The following RSAD2 variants were observed in gnomAD, a reference collection of about 807,000 sequenced individuals.
RSAD2 encodes radical S-adenosyl methionine domain containing 2.
In RSAD2, 38 loss-of-function variants were observed where a neutral mutation model predicts 37.7. The ratio of observed to expected loss-of-function variants is 1.01; its 90% CI spans 0.78 to 1.32. The LOEUF is 1.32. Ranked by LOEUF, RSAD2 falls within the 40% of genes most tolerant of loss-of-function variation. The pLI is 0.00. For missense variants in RSAD2, 428 were observed against 437.5 expected (o/e 0.98, Z 0.19); for synonymous variants, 163 against 157.4 (o/e 1.04, Z -0.27).
In RSAD2 at chr2:6,884,924, G is replaced by T. The variant is rs540182437; in HGVS notation, c.508+1392G>T. 1.1e-4 allele frequency among the ~76,000 whole-genome samples: 17 copies of T among 152,286 alleles called. No individual in the cohort carries two copies. The South Asian group carries it at 3.5e-3, about 32-fold the overall frequency. Reference sequence around the variant, plus strand: ...TTTTTAGGCATTGTGAGGAACAAATGTTTATAGATGCCTATCTGGCCCATA... The same window carrying T: ...TTTTTAGGCATTGTGAGGAACAAATTTTTATAGATGCCTATCTGGCCCATA... On this transcript the variant is annotated intron_variant, in intron 2 of 5. Transcript: ENST00000382040.
At chr2:6,890,373 G>A in intron 4 of RSAD2, 48 bp downstream of exon 4, 3 of 1,594,886 alleles carry the variant, frequency 1.9e-6, no homozygotes, top group Non-Finnish European at 2.6e-6. Context: ...CATTCAGATT[G>A]ATTCCCAAAA....
chr2:6,890,569 A>C (rs946365741), intron 4 of RSAD2, among the ~76,000 whole-genome samples: 1 of 152,208 alleles, frequency 6.6e-6, no homozygotes, highest in Non-Finnish European at 1.5e-5. Flanking sequence ...GGTACTTTGC[A>C]GATGATACAA....
Position 6,883,370 on chromosome 2 carries a change from G to A in RSAD2, c.347-1G>A, listed in dbSNP as rs1278252560. The stretch of plus-strand genomic sequence containing the variant: ...TAAAATTCATGTATCACCTTGCACA[G>A]GTATGGAGAAGATCAACTTTTCAGG... On this transcript the variant is annotated splice_acceptor_variant, in intron 1 of 5. Transcript: ENST00000382040. LOFTEE classifies it high-confidence loss of function. 1 of 1,614,148 alleles carries A rather than the reference G, an allele frequency of 6.2e-7. No homozygotes were observed. The highest frequency in any genetic ancestry group is 1.3e-5 in the African/African-American group (1 of 75,042).
chr2:6,890,357 A>G lies in RSAD2; in HGVS notation c.888+32A>G, dbSNP rs1474675135. 12 of 1,609,804 alleles carry G rather than the reference A, an allele frequency of 7.5e-6. No homozygotes were observed. In the African/African-American group the frequency reaches 1.2e-4, roughly 16 times the overall value. On this transcript the variant is annotated intron_variant, in intron 4 of 5. Coordinates refer to ENST00000382040, the MANE Select transcript of RSAD2 (RefSeq NM_080657.5). Reference sequence around the variant, plus strand: ...TAAAGCAAAAGTTGTTTTCTTTGTCATCATACATTCAGATTGATTCCCAAA... The same window carrying G: ...TAAAGCAAAAGTTGTTTTCTTTGTCGTCATACATTCAGATTGATTCCCAAA...
chr2:6,893,761 G>A, intron 5 of RSAD2, 58 bp downstream of exon 5: 4 of 1,228,444 alleles, frequency 3.3e-6, no homozygotes, highest in South Asian at 2.4e-5. Flanking sequence ...AGCAGTAATG[G>A]CAGAGTTGAG....
intron 1 of RSAD2, among the ~76,000 whole-genome samples, chr2:6,868,964 C>T (rs757326096): frequency 5.9e-5 from 9 of 152,226 alleles, no homozygotes; most frequent in Non-Finnish European, 1.2e-4. Flanking sequence ...TTTGCACAAA[C>T]GTCAAGATTA....
At chr2:6,866,792 G>A (rs1327410015) in intron 1 of RSAD2, among the ~76,000 whole-genome samples, 1 of 148,738 alleles carries the variant, frequency 6.7e-6, no homozygotes, top group East Asian at 2.0e-4. Flanking sequence ...TTGAGACGAA[G>A]ATTGAAAACA....
chr2:6,866,416 A>T lies in RSAD2; in HGVS notation c.142+371A>T, dbSNP rs979881440. ...CACCTGTGCACACACTCACCTTTGCACACACTCACCTGTGCACAAGCTTTT... is the reference window on the plus strand; with the variant it reads ...CACCTGTGCACACACTCACCTTTGCTCACACTCACCTGTGCACAAGCTTTT... On this transcript the variant is annotated intron_variant, in intron 1 of 5. Transcript: ENST00000442639. 3.0e-6 allele frequency: 3 copies of T among 984,868 alleles called. No individual in the cohort carries two copies. In the African/African-American group the frequency reaches 5.2e-5, roughly 17 times the overall value. 61.0% of individuals were successfully genotyped at this position (984,868 alleles called of 1,614,324 possible). A position where few individuals can be genotyped will look rare whatever the true frequency, so the allele number is the denominator to read the frequency against.
At chr2:6,870,007 A>C (rs1355347746) in intron 1 of RSAD2, among the ~76,000 whole-genome samples, 2 of 152,228 alleles carry the variant, frequency 1.3e-5, no homozygotes, top group South Asian at 2.1e-4. Flanking sequence ...AACAATCAGG[A>C]TGCAGCCATG....
In RSAD2 at chr2:6,896,547, C is replaced by CTTTTTTTTTTTTTTT. The variant is rs1558340059; in HGVS notation, c.*608_*609insTTTTTTTTTTTTTTT. 2 of 149,186 alleles carry CTTTTTTTTTTTTTTT rather than the reference C, an allele frequency of 1.3e-5. No individual in the cohort carries two copies. The allele number at this position is 149,186 out of a possible 1,614,324, so 9.2% of individuals were successfully genotyped here. On this transcript the variant is annotated 3_prime_UTR_variant, in exon 6 of 6. Coordinates refer to ENST00000382040, the MANE Select transcript of RSAD2 (RefSeq NM_080657.5). ...GGTTATAATGCTTTTTTTTTTTTGC[C>CTTTTTTTTTTTTTTT]TTTATGCCATTGCAGTCTTGTACTT...
intron 2 of RSAD2, 120 bp downstream of exon 2, chr2:6,883,652 A>G: frequency 1.8e-6 from 2 of 1,135,564 alleles, no homozygotes; most frequent in East Asian, 2.5e-5. Context: ...GGGAGGAAAA[A>G]CTAATCTTGC....
chr2:6,883,729 A>G (rs1663462457), intron 2 of RSAD2, 197 bp downstream of exon 2: 3 of 607,226 alleles, frequency 4.9e-6, no homozygotes, highest in African/African-American at 1.9e-5. Flanking sequence ...GGCTCTCAGT[A>G]AACAAGTTTG....
At chr2:6,867,615 C>T (rs539180207) in intron 1 of RSAD2, among the ~76,000 whole-genome samples, 1 of 152,170 alleles carries the variant, frequency 6.6e-6, no homozygotes, top group African/African-American at 2.4e-5. Context: ...GTGTCCCCCA[C>T]CAAGGCTATT....
At chr2:6,875,206 G>T (rs1663261845), upstream of RSAD2, among the ~76,000 whole-genome samples, 1 of 152,120 alleles carries the variant, frequency 6.6e-6, no homozygotes, top group Non-Finnish European at 1.5e-5. Context: ...TCAAGTTCTG[G>T]TTTTCTACCT....
chr2:6,894,513 C>T (rs928623231), intron 5 of RSAD2, among the ~76,000 whole-genome samples: 1 of 152,194 alleles, frequency 6.6e-6, no homozygotes, highest in Admixed American at 6.5e-5. Context: ...GTCACCCAGG[C>T]TAGAGGGCAA....
chr2:6,875,140 G>A (rs1384449906), upstream of RSAD2, among the ~76,000 whole-genome samples: 1 of 152,158 alleles, frequency 6.6e-6, no homozygotes, highest in South Asian at 2.1e-4. Context: ...AAAAAGTCAT[G>A]TTCTTAAGAA....
At chr2:6,881,257 G>A (rs1663393367) in intron 1 of RSAD2, among the ~76,000 whole-genome samples, 1 of 152,184 alleles carries the variant, frequency 6.6e-6, no homozygotes, top group African/African-American at 2.4e-5. Context: ...CTCCCAGCAT[G>A]ATGGATTATA....
chr2:6,878,987 G>C, intron 1 of RSAD2: 1 of 519,934 alleles, frequency 1.9e-6, no homozygotes, highest in Non-Finnish European at 3.5e-6. Context: ...TGCAGATTCA[G>C]AGAGAAAGCA....
At position 6,877,862 on chromosome 2, in the gene RSAD2, T is replaced by C. The variant is rs1264733907; in HGVS notation, c.62T>C (p.Leu21Pro). ...GKLLSVFRQPLSSLWRSLVPL... is the reference protein window; with the variant it reads ...GKLLSVFRQPPSSLWRSLVPL... ...CTCTTGAGTGTGTTCAGGCAACCTC[T>C]GAGCTCTCTGTGGAGGAGCCTGGTC... The change falls in exon 1 of 6, where the codon CTG becomes CCG. Residue 21 changes from leucine to proline, a missense_variant. By Grantham distance (98) the Leu-to-Pro change is moderately conservative. Transcript: ENST00000382040. The C allele has an allele frequency of 1.9e-6, 3 of 1,614,028 alleles. No individual in the cohort carries two copies. Among genetic ancestry groups the C allele is most frequent in the Admixed American group, 1.7e-5 (1 of 60,012 alleles).
Sources: gnomAD v4.1 joint callset for allele counts (sites outside exome capture counted in the v4.1 genomes callset) on GRCh38, gnomAD v4.1.1 for gene constraint, MANE v1.5 for transcripts, NCBI Gene and HGNC (gene_info 2026-07-23, HGNC 2026-07-21) for gene names.